The following TOX2 variants were observed in gnomAD, a reference collection of about 807,000 sequenced individuals.
The protein encoded by TOX2 is granulosa cell HMG box 1.
A neutral mutation model predicts 47.4 loss-of-function variants in TOX2; 15 were observed. The ratio of observed to expected loss-of-function variants is 0.32; its 90% CI spans 0.21 to 0.49. The LOEUF is 0.49. TOX2 is among the 20% of genes least tolerant of loss of function. The pLI is 0.99. For synonymous variants in TOX2, 290 were observed against 296.6 expected, an observed-to-expected ratio of 0.98 and a Z score of 0.23; for missense variants, 622 against 673.1, an observed-to-expected ratio of 0.92 and a Z score of 0.84.
intron 2 of TOX2, among the ~76,000 whole-genome samples, chr20:43,992,397 A>G (rs1390880370): frequency 1.3e-5 from 2 of 152,194 alleles, no homozygotes; most frequent in East Asian, 3.9e-4. Flanking sequence ...GCCTCCCAGC[A>G]TTGACATGAG....
At chr20:43,967,023 C>T (rs149606479) in intron 1 of TOX2, among the ~76,000 whole-genome samples, 25 of 152,286 alleles carry the variant, frequency 1.6e-4, no homozygotes, top group African/African-American at 4.6e-4. Flanking sequence ...ACCACATGCA[C>T]TGTATACCTT....
intron 1 of TOX2, among the ~76,000 whole-genome samples, chr20:43,964,096 TA>T (rs777776155): frequency 3.1e-3 from 437 of 140,988 alleles, no homozygotes; most frequent in Middle Eastern, 7.0e-3. Context: ...TAATGTAGTT[TA>T]AAAAAAAAAA....
At position 43,949,877 on chromosome 20, in the gene TOX2, G is replaced by A. The variant is rs150755840; in HGVS notation, c.100-23490G>A. Among the ~76,000 whole-genome samples the A allele has an allele frequency of 6.6e-4, 100 of 152,232 alleles. 1 individual carries two copies. Among genetic ancestry groups the A allele is most frequent in the African/African-American group, 2.3e-3 (94 of 41,526 alleles). On this transcript the variant is annotated intron_variant, in intron 1 of 8. Transcript: ENST00000341197. ...CGATGATGCACCTTTATTCTCACAC[G>A]TGCTGCAAGGCCAGACAGCACAGAA...
chr20:43,962,397 C>A (rs532755858), intron 1 of TOX2, among the ~76,000 whole-genome samples: 1 of 152,326 alleles, frequency 6.6e-6, no homozygotes, highest in Admixed American at 6.5e-5. Flanking sequence ...ATCCAGCCAA[C>A]TGTGAGGGGC....
At chr20:43,948,609 C>T (rs1209281015) in intron 1 of TOX2, among the ~76,000 whole-genome samples, 1 of 152,052 alleles carries the variant, frequency 6.6e-6, no homozygotes, top group Non-Finnish European at 1.5e-5. Context: ...CTGTGCCACC[C>T]ACTGGGAGGC....
intron 1 of TOX2, among the ~76,000 whole-genome samples, chr20:43,948,362 AG>A (rs1218936506): frequency 1.3e-5 from 2 of 152,222 alleles, no homozygotes; most frequent in Non-Finnish European, 2.9e-5. Context: ...AGAAGAGTCC[AG>A]GCTGATGGCT....
intron 1 of TOX2, among the ~76,000 whole-genome samples, chr20:43,951,964 T>C (rs1353792976): frequency 6.6e-6 from 1 of 151,994 alleles, no homozygotes; most frequent in Non-Finnish European, 1.5e-5. Context: ...TGGTGCGATC[T>C]TGGCTCACTG....
chr20:44,036,660 G>T (rs1569120573), intron 3 of TOX2, among the ~76,000 whole-genome samples: 1 of 152,218 alleles, frequency 6.6e-6, no homozygotes, highest in Admixed American at 6.5e-5. Flanking sequence ...TGTAAATAAG[G>T]TTTTATTGGA....
At chr20:43,931,524 A>C (rs559208991) in intron 1 of TOX2, among the ~76,000 whole-genome samples, 22 of 152,106 alleles carry the variant, frequency 1.4e-4, no homozygotes, top group Admixed American at 7.2e-4. Flanking sequence ...TGCCCTTCCC[A>C]TCTGGCATCT....
intron 3 of TOX2, among the ~76,000 whole-genome samples, chr20:44,027,996 G>A (rs1455140219): frequency 6.6e-6 from 1 of 152,172 alleles, no homozygotes; most frequent in Non-Finnish European, 1.5e-5. Context: ...TGGGCACTGG[G>A]GAAACGGCTC....
intron 3 of TOX2, among the ~76,000 whole-genome samples, chr20:44,018,518 C>T (rs1279444212): frequency 6.6e-6 from 1 of 152,156 alleles, no homozygotes; most frequent in Non-Finnish European, 1.5e-5. Flanking sequence ...AATGTACCGT[C>T]GGCATTGCTG....
At chr20:43,925,872 G>A (rs2069160502) in intron 1 of TOX2, among the ~76,000 whole-genome samples, 2 of 152,324 alleles carry the variant, frequency 1.3e-5, no homozygotes, top group Admixed American at 6.5e-5. Flanking sequence ...TAACAGAAGG[G>A]TGGCAGAGGG....
At chr20:44,021,169 G>A (rs756842113) in intron 3 of TOX2, among the ~76,000 whole-genome samples, 34 of 152,126 alleles carry the variant, frequency 2.2e-4, no homozygotes, top group Non-Finnish European at 4.1e-4. Context: ...GGGACGTCTT[G>A]TGACCAGAAC....
intron 1 of TOX2, among the ~76,000 whole-genome samples, chr20:43,968,739 A>G (rs1293644913): frequency 3.3e-5 from 5 of 152,200 alleles, no homozygotes; most frequent in Non-Finnish European, 7.3e-5. Context: ...GAAGATGGCA[A>G]TGGGAAAAGG....
chr20:44,059,745 C>A (rs1242898083), intron 5 of TOX2, among the ~76,000 whole-genome samples: 1 of 152,096 alleles, frequency 6.6e-6, no homozygotes, highest in Admixed American at 6.5e-5. Flanking sequence ...GCAAGAACTA[C>A]TAAAAGGAGC....
In TOX2 at chr20:43,976,785, C is replaced by CACACACAT. The variant is rs1271913057; in HGVS notation, c.165+3360_165+3361insTACACACA. Among the ~76,000 whole-genome samples, 8 of 147,274 alleles carry CACACACAT rather than the reference C, an allele frequency of 5.4e-5. No homozygotes were observed. The South Asian group carries it at 1.1e-3, about 19-fold the overall frequency. ...AACTCACAACGCGAGCGCGCGCGCA[C>CACACACAT]ACACACACACACACACACATACACA... On this transcript the variant is annotated intron_variant, in intron 2 of 8. Coordinates refer to ENST00000341197, the MANE Select transcript of TOX2 (RefSeq NM_001098797.2).
chr20:43,968,114 C>G (rs939365077), intron 1 of TOX2, among the ~76,000 whole-genome samples: 5 of 152,224 alleles, frequency 3.3e-5, no homozygotes, highest in Admixed American at 6.5e-5. Context: ...GATCATCCGT[C>G]TATCCATCAC....
At chr20:44,028,676 G>A (rs2071102385) in intron 3 of TOX2, among the ~76,000 whole-genome samples, 1 of 152,166 alleles carries the variant, frequency 6.6e-6, no homozygotes, top group Non-Finnish European at 1.5e-5. Context: ...TGCCCTCCCT[G>A]GCACTCAGAT....
intron 3 of TOX2, among the ~76,000 whole-genome samples, chr20:44,011,887 C>T (rs1259679046): frequency 6.6e-6 from 1 of 152,246 alleles, no homozygotes; most frequent in Non-Finnish European, 1.5e-5. Context: ...TAGCTTTCTG[C>T]TTTGAAGGTA....
Sources: allele counts gnomAD v4.1 joint callset (sites outside exome capture counted in the v4.1 genomes callset), GRCh38; gene constraint gnomAD v4.1.1; transcripts MANE v1.5; gene names NCBI Gene and HGNC (gene_info 2026-07-23, HGNC 2026-07-21).